Variants in AFF1 observed in about 807,000 individuals in gnomAD.
AFF1 encodes the protein AF4/FMR2 family member 1.
In AFF1, 48 loss-of-function variants were observed where a neutral mutation model predicts 121.7. The observed-to-expected ratio is 0.39, with a 90% confidence interval of 0.31 to 0.50. The LOEUF (loss-of-function observed/expected upper bound fraction) is 0.50. AFF1 is among the 20% of genes least tolerant of loss of function. AFF1 has a pLI of 0.76. For synonymous variants in AFF1, 613 were observed against 563.0 expected (o/e 1.09, Z -1.26); for missense variants, 1,523 against 1,511.7 (o/e 1.01, Z -0.12).
rs376712892 is a variant in AFF1 at position 87,119,394 on chromosome 4, C to T, written c.2466+4095C>T. ...AGGAGTTCAAGACCAGCCTGGGCAA[C>T]TCTGTGAGACACTGTCTCTGAAAAA... On this transcript the variant is annotated intron_variant, in intron 12 of 20. Coordinates refer to ENST00000395146, the MANE Select transcript of AFF1 (RefSeq NM_001166693.3). Among the ~76,000 whole-genome samples the T allele has an allele frequency of 2.0e-4, 31 of 151,652 alleles. No homozygotes were observed. In the East Asian group the frequency reaches 6.0e-3, roughly 30 times the overall value.
chr4:87,131,694 T>A (rs1350961056), intron 17 of AFF1, 99 bp from the exon 18 acceptor site: 2 of 1,069,702 alleles, frequency 1.9e-6, no homozygotes, highest in Admixed American at 2.7e-5. Flanking sequence ...TCTCATCTCT[T>A]CTTCAGGAAA....
intron 4 of AFF1, among the ~76,000 whole-genome samples, chr4:87,068,149 C>G (rs1721567951): frequency 1.4e-5 from 1 of 69,334 alleles, no homozygotes; most frequent in Non-Finnish European, 2.8e-5. Context: ...ATTTTTCCCT[C>G]TAGAGTTTTA....
intron 2 of AFF1, among the ~76,000 whole-genome samples, chr4:86,991,834 C>CTTT (rs34804329): frequency 2.6e-4 from 29 of 113,676 alleles, no homozygotes; most frequent in African/African-American, 3.9e-4. Context: ...CTTCAAATTG[C>CTTT]TTTTTTTTTT....
chr4:86,985,214 T>TATATA (rs1277485096), intron 2 of AFF1, among the ~76,000 whole-genome samples: 1 of 104,560 alleles, frequency 9.6e-6, no homozygotes, highest in African/African-American at 3.3e-5. Context: ...TATATATATA[T>TATATA]AAAATTATAT....
intron 19 of AFF1, 107 bp from the exon 20 acceptor site, chr4:87,134,364 A>G (rs954779962): frequency 2.9e-6 from 3 of 1,049,170 alleles, no homozygotes; most frequent in African/African-American, 3.2e-5. Flanking sequence ...TGGCAGGTGT[A>G]TAGTGAAACT....
chr4:87,062,208 G>A (rs964429834), intron 4 of AFF1, among the ~76,000 whole-genome samples: 1 of 152,112 alleles, frequency 6.6e-6, no homozygotes, highest in Admixed American at 6.5e-5. Context: ...TTTATTTCTC[G>A]CAGTTTTAGA....
chr4:87,037,249 A>G (rs564169748), intron 2 of AFF1, among the ~76,000 whole-genome samples: 2 of 152,318 alleles, frequency 1.3e-5, no homozygotes, highest in South Asian at 4.1e-4. Context: ...CAACGTTAAC[A>G]AAATGCTCCC....
intron 2 of AFF1, among the ~76,000 whole-genome samples, chr4:86,997,735 C>G (rs1460027343): frequency 6.7e-6 from 1 of 148,668 alleles, no homozygotes; most frequent in Non-Finnish European, 1.5e-5. Flanking sequence ...GCGCTTCAGC[C>G]TGGGCAACAG....
Position 87,139,048 on chromosome 4 carries a change from C to G in AFF1, c.*3347C>G, listed in dbSNP as rs1328997762. The G allele has an allele frequency of 4.4e-6, 1 of 225,326 alleles. No homozygotes were observed. Among genetic ancestry groups the G allele is most frequent in the African/African-American group, 2.2e-5 (1 of 44,924 alleles). The allele number at this position is 225,326 out of a possible 1,614,324, so 14.0% of individuals were successfully genotyped here. A position where few individuals can be genotyped will look rare whatever the true frequency, so the allele number is the denominator to read the frequency against. On this transcript the variant is annotated 3_prime_UTR_variant, in exon 21 of 21. Transcript: ENST00000395146. ...AGCTTACTGTTTTATTATGATTCAT[C>G]TTCAGTAATTTTTAGAAGCAAGAAG...
chr4:87,062,534 T>G (rs1301098697), intron 4 of AFF1, among the ~76,000 whole-genome samples: 1 of 151,998 alleles, frequency 6.6e-6, no homozygotes. Flanking sequence ...AAAATATATG[T>G]TTTTTTTCCA....
intron 12 of AFF1, among the ~76,000 whole-genome samples, chr4:87,116,462 C>G (rs888338948): frequency 6.6e-6 from 1 of 152,174 alleles, no homozygotes; most frequent in Admixed American, 6.5e-5. Context: ...AGGGCCAACT[C>G]TCTCCTGCTG....
intron 16 of AFF1, among the ~76,000 whole-genome samples, chr4:87,128,735 A>G (rs1460301594): frequency 6.6e-6 from 1 of 152,196 alleles, no homozygotes. Context: ...CAAAATGTTG[A>G]TTCCTTACCA....
At chr4:86,984,164 C>G (rs1724015785) in intron 2 of AFF1, among the ~76,000 whole-genome samples, 1 of 152,078 alleles carries the variant, frequency 6.6e-6, no homozygotes, top group South Asian at 2.1e-4. Context: ...AGCATTTTGA[C>G]AGAAATTTGT....
Position 87,047,556 on chromosome 4 carries a change from A to G in AFF1, c.1021A>G (p.Lys341Glu), listed in dbSNP as rs774841247. ...KTDLKVPAKA[K>E]LTKLKMPSQS... ...AGACTTGAAAGTGCCTGCCAAAGCCAAGCTCACCAAACTGAAGATGCCTTC... is the reference window on the plus strand; with the variant it reads ...AGACTTGAAAGTGCCTGCCAAAGCCGAGCTCACCAAACTGAAGATGCCTTC... The change falls in exon 4 of 21, where the codon AAG becomes GAG. Residue 341 changes from lysine (K) to glutamate (E), a missense_variant. By Grantham distance (56) the Lys-to-Glu change is moderately conservative (BLOSUM62 1). This residue lies in a region of AFF1 where 905 missense variants were observed against 842.5 expected (regional missense o/e 1.07). Transcript: ENST00000395146. The G allele has an allele frequency of 1.2e-5, 20 of 1,614,096 alleles. No individual in the cohort carries two copies. The East Asian group carries it at 4.5e-4, about 36-fold the overall frequency.
At chr4:86,995,993 C>T (rs1403912643) in intron 2 of AFF1, among the ~76,000 whole-genome samples, 2 of 116,414 alleles carry the variant, frequency 1.7e-5, no homozygotes, top group Admixed American at 1.7e-4. Context: ...CCCCTCCGCC[C>T]GGCAGCCGCC....
At chr4:87,065,228 C>T (rs965008878) in intron 4 of AFF1, among the ~76,000 whole-genome samples, 1 of 152,168 alleles carries the variant, frequency 6.6e-6, no homozygotes, top group Non-Finnish European at 1.5e-5. Context: ...GAGCAGGTCA[C>T]GTCTACGTGA....
chr4:87,060,737 G>C (rs1191908885), intron 4 of AFF1, among the ~76,000 whole-genome samples: 1 of 151,000 alleles, frequency 6.6e-6, no homozygotes, highest in Admixed American at 6.6e-5. Context: ...TTCTGGGGAG[G>C]CTGAGACAGG....
chr4:86,985,483 G>A (rs1724174558), intron 2 of AFF1, among the ~76,000 whole-genome samples: 1 of 146,646 alleles, frequency 6.8e-6, no homozygotes, highest in Admixed American at 7.0e-5. Context: ...TCCAGCCCGG[G>A]CCGACAACAG....
chr4:87,106,655 A>T (rs1578260950), intron 10 of AFF1, among the ~76,000 whole-genome samples: 1 of 152,354 alleles, frequency 6.6e-6, no homozygotes, highest in East Asian at 1.9e-4. Flanking sequence ...ACTTTAGGAA[A>T]TGTGATGATT....
Sources: gnomAD v4.1 joint callset for allele counts (sites outside exome capture counted in the v4.1 genomes callset) on GRCh38, gnomAD v4.1.1 for gene constraint, gnomAD v4.1.1 regional missense constraint, MANE v1.5 for transcripts, NCBI Gene and HGNC (gene_info 2026-07-23, HGNC 2026-07-21) for gene names.